The following ARID1B variants were observed in gnomAD, a reference collection of about 807,000 sequenced individuals.
ARID1B encodes the protein AT-rich interactive domain-containing protein 1B.
Under a neutral mutation model 212.3 loss-of-function variants are expected in ARID1B, and 30 were observed. The ratio of observed to expected loss-of-function variants is 0.14; its 90% CI spans 0.11 to 0.19. ARID1B has a LOEUF of 0.19. ARID1B is among the 10% of genes least tolerant of loss of function. ARID1B has a pLI of 1.00. For missense variants in ARID1B, 2,891 were observed against 3,204.0 expected (o/e 0.90, Z 2.36); for synonymous variants, 1,402 against 1,301.7 (o/e 1.08, Z -1.66).
At chr6:156,835,635 T>C (rs192245019) in intron 2 of ARID1B, among the ~76,000 whole-genome samples, 2 of 152,380 alleles carry the variant, frequency 1.3e-5, no homozygotes, top group African/African-American at 4.8e-5. Flanking sequence ...TATACTGTTT[T>C]GTCATGTACA....
chr6:157,078,192 G>A lies in ARID1B; in HGVS notation c.2248-6470G>A, dbSNP rs559424443. 3.3e-5 allele frequency among the ~76,000 whole-genome samples: 5 copies of A among 152,188 alleles called. No homozygotes were observed. In the East Asian group the frequency reaches 9.7e-4, roughly 29 times the overall value. ...TAACAAGATGCTGTTATTTTCTCAC[G>A]TAAGAAAATATGCATAGTATCTGGA... is the stretch of plus-strand genomic sequence containing the variant. On this transcript the variant is annotated intron_variant, in intron 4 of 19. Transcript: ENST00000636930.
At chr6:157,119,093 A>G (rs920699619) in intron 6 of ARID1B, among the ~76,000 whole-genome samples, 3 of 152,178 alleles carry the variant, frequency 2.0e-5, no homozygotes, top group Admixed American at 6.5e-5. Flanking sequence ...TTCGGAAGCC[A>G]TCCTTGATGC....
chr6:156,987,429 C>T (rs961929793), intron 4 of ARID1B, among the ~76,000 whole-genome samples: 1 of 151,212 alleles, frequency 6.6e-6, no homozygotes, highest in Admixed American at 6.6e-5. Context: ...CTCCCGGGTT[C>T]GCGCCATTCT....
intron 3 of ARID1B, among the ~76,000 whole-genome samples, chr6:156,904,308 G>C (rs989782409): frequency 1.3e-5 from 2 of 152,052 alleles, no homozygotes; most frequent in Admixed American, 1.3e-4. Context: ...TTCCAAAGGA[G>C]CACATACAGC....
intron 15 of ARID1B, among the ~76,000 whole-genome samples, chr6:157,193,289 G>A (rs2128347267): frequency 6.6e-6 from 1 of 152,246 alleles, no homozygotes; most frequent in Middle Eastern, 3.4e-3. Flanking sequence ...TTGAAGTACA[G>A]TTTTTTCACA....
At chr6:156,913,669 C>T (rs906217054) in intron 3 of ARID1B, among the ~76,000 whole-genome samples, 1 of 151,206 alleles carries the variant, frequency 6.6e-6, no homozygotes, top group African/African-American at 2.4e-5. Context: ...TGCCCCCATC[C>T]CACTCTCTAC....
chr6:157,197,329 A>G (rs977436328), intron 16 of ARID1B, among the ~76,000 whole-genome samples: 1 of 152,220 alleles, frequency 6.6e-6, no homozygotes, highest in African/African-American at 2.4e-5. Context: ...GTGCTGTTCT[A>G]CCGGGGACCG....
chr6:157,044,581 C>G (rs1039768173), intron 4 of ARID1B, among the ~76,000 whole-genome samples: 1 of 152,194 alleles, frequency 6.6e-6, no homozygotes, highest in Non-Finnish European at 1.5e-5. Context: ...TTTTCTGATC[C>G]ATCTAACTTA....
intron 4 of ARID1B, among the ~76,000 whole-genome samples, chr6:157,073,988 C>T (rs1411086315): frequency 6.6e-6 from 1 of 152,166 alleles, no homozygotes; most frequent in Non-Finnish European, 1.5e-5. Context: ...CCCAAGTCCT[C>T]CGAGTGAGTG....
intron 4 of ARID1B, among the ~76,000 whole-genome samples, chr6:157,064,477 T>A (rs1015500039): frequency 6.6e-6 from 1 of 152,084 alleles, no homozygotes; most frequent in African/African-American, 2.4e-5. Context: ...TTCGATGGTT[T>A]GAGTGTATTG....
chr6:157,182,367 C>T (rs1045936644), intron 12 of ARID1B, among the ~76,000 whole-genome samples: 1 of 152,240 alleles, frequency 6.6e-6, no homozygotes, highest in Non-Finnish European at 1.5e-5. Flanking sequence ...CCATTTGCCA[C>T]TGGTTCTGGA....
chr6:157,017,080 T>C (rs907549838), intron 4 of ARID1B, among the ~76,000 whole-genome samples: 3 of 152,354 alleles, frequency 2.0e-5, no homozygotes, highest in South Asian at 4.1e-4. Context: ...TAGGAAATGG[T>C]AAATTACAAA....
In ARID1B at chr6:157,039,882, T is replaced by TTTTCCTTCCTTCCTTC. The variant is rs1554287391; in HGVS notation, c.2248-44780_2248-44779insTTTCCTTCCTTCCTTC. On this transcript the variant is annotated intron_variant, in intron 4 of 19. Coordinates refer to ENST00000636930, the MANE Select transcript of ARID1B (RefSeq NM_001374828.1). ...TTTCTCTCTCTTTCTCTTTCTTTTCTCTTCCTTCCTTCCTTCCTTCCTTCC... is the reference window on the plus strand; with the variant it reads ...TTTCTCTCTCTTTCTCTTTCTTTTCTTTTCCTTCCTTCCTTCCTTCCTTCCTTCCTTCCTTCCTTCC... Among the ~76,000 whole-genome samples, 56 of 67,276 alleles carry TTTTCCTTCCTTCCTTC rather than the reference T, an allele frequency of 8.3e-4. 1 individual carries two copies. Among genetic ancestry groups the TTTTCCTTCCTTCCTTC allele is most frequent in the African/African-American group, 2.3e-3 (42 of 18,450 alleles). The allele number at this position is 67,276 out of a possible 152,430, so 44.1% of individuals were successfully genotyped here. A position where few individuals can be genotyped will look rare whatever the true frequency, so the allele number is the denominator to read the frequency against.
At chr6:157,184,509 TTCACAG>T in intron 13 of ARID1B, 74 bp downstream of exon 13, 1 of 1,561,742 alleles carries the variant, frequency 6.4e-7, no homozygotes, top group Non-Finnish European at 8.8e-7. Flanking sequence ...GGAAGGTGGT[TTCACAG>T]TCAGGCCAAC....
In ARID1B at chr6:157,208,239, T is replaced by C. The variant is rs1359903706; in HGVS notation, c.*348T>C. On this transcript the variant is annotated 3_prime_UTR_variant, in exon 20 of 20. Transcript: ENST00000636930. ...CATTTTTGGGGGAAGCAAATTGACTTTAAAGAAAAAAGTTGTGGCAAAAGA... is the reference window on the plus strand; with the variant it reads ...CATTTTTGGGGGAAGCAAATTGACTCTAAAGAAAAAAGTTGTGGCAAAAGA... 1 of 249,326 alleles carries C rather than the reference T, an allele frequency of 4.0e-6. No individual in the cohort carries two copies. Among genetic ancestry groups the C allele is most frequent in the African/African-American group, 2.2e-5 (1 of 45,862 alleles). The allele number at this position is 249,326 out of a possible 1,614,324, so 15.4% of individuals were successfully genotyped here. A position where few individuals can be genotyped will look rare whatever the true frequency, so the allele number is the denominator to read the frequency against.
chr6:156,914,003 C>T (rs1790134426), intron 3 of ARID1B, among the ~76,000 whole-genome samples: 1 of 146,536 alleles, frequency 6.8e-6, no homozygotes, highest in Non-Finnish European at 1.5e-5. Context: ...CAACTCCCAG[C>T]CCTTCCCAGC....
chr6:157,039,832 CTT>C (rs201781538), intron 4 of ARID1B, among the ~76,000 whole-genome samples: 15 of 108,314 alleles, frequency 1.4e-4, no homozygotes, highest in African/African-American at 4.8e-4. Flanking sequence ...CTCTTTCTCT[CTT>C]TCTTTCTCTC....
At chr6:157,052,642 C>G (rs1459273328) in intron 4 of ARID1B, among the ~76,000 whole-genome samples, 1 of 152,236 alleles carries the variant, frequency 6.6e-6, no homozygotes, top group Non-Finnish European at 1.5e-5. Flanking sequence ...CACTTTGCCT[C>G]AAAGAATTTA....
intron 8 of ARID1B, among the ~76,000 whole-genome samples, chr6:157,157,051 C>T (rs1790624039): frequency 1.3e-5 from 2 of 152,116 alleles, no homozygotes; most frequent in South Asian, 2.1e-4. Flanking sequence ...CCTCAGTATC[C>T]TCCTCATCCC....
Sources: allele counts gnomAD v4.1 joint callset (sites outside exome capture counted in the v4.1 genomes callset), GRCh38; gene constraint gnomAD v4.1.1; transcripts MANE v1.5; gene names NCBI Gene and HGNC (gene_info 2026-07-23, HGNC 2026-07-21).